The following RHOQ variants were observed in gnomAD, a reference collection of about 807,000 sequenced individuals.
RHOQ encodes the protein rho-related GTP-binding protein RhoQ.
Under a neutral mutation model 25.8 loss-of-function variants are expected in RHOQ, and 7 were observed. That is an observed-to-expected ratio of 0.27 (90% CI 0.15 to 0.51). The LOEUF (loss-of-function observed/expected upper bound fraction) is 0.51. Ranked by LOEUF, RHOQ falls within the 20% of genes least tolerant of loss-of-function variation. RHOQ has a pLI of 0.97. For synonymous variants in RHOQ, 97 were observed against 98.6 expected (o/e 0.98, Z 0.10); for missense variants, 165 against 260.6 (o/e 0.63, Z 2.53).
intron 2 of RHOQ, among the ~76,000 whole-genome samples, chr2:46,559,526 G>C (rs552477247): frequency 6.6e-6 from 1 of 152,276 alleles, no homozygotes; most frequent in African/African-American, 2.4e-5. Flanking sequence ...CTTCAGTACT[G>C]TTGACATTGA....
At chr2:46,561,160 GAT>G (rs1668566349) in intron 2 of RHOQ, among the ~76,000 whole-genome samples, 2 of 151,320 alleles carry the variant, frequency 1.3e-5, no homozygotes, top group East Asian at 1.9e-4. Flanking sequence ...ATACACCTTT[GAT>G]ATATATGTGT....
chr2:46,578,243 C>CT (rs1669204973), intron 4 of RHOQ, among the ~76,000 whole-genome samples: 2 of 152,124 alleles, frequency 1.3e-5, no homozygotes, highest in Admixed American at 6.5e-5. Context: ...AATGGACACT[C>CT]TGTTGTACTA....
At chr2:46,545,417 A>G (rs1396616700) in intron 2 of RHOQ, among the ~76,000 whole-genome samples, 2 of 152,198 alleles carry the variant, frequency 1.3e-5, no homozygotes, top group African/African-American at 4.8e-5. Context: ...TCCCTGTTCA[A>G]CAGGATGTGT....
At chr2:46,562,173 A>G (rs570984907) in intron 2 of RHOQ, among the ~76,000 whole-genome samples, 46 of 152,208 alleles carry the variant, frequency 3.0e-4, no homozygotes, top group African/African-American at 1.1e-3. Flanking sequence ...TGTAGGGTCT[A>G]TACCTCTAAG....
At chr2:46,573,118 C>T (rs954412972) in intron 2 of RHOQ, among the ~76,000 whole-genome samples, 7 of 150,116 alleles carry the variant, frequency 4.7e-5, no homozygotes, top group African/African-American at 1.7e-4. Flanking sequence ...GGCTGTAGTG[C>T]AGTGGTACAA....
chr2:46,564,479 C>T (rs748942773), intron 2 of RHOQ, among the ~76,000 whole-genome samples: 3 of 152,140 alleles, frequency 2.0e-5, no homozygotes, highest in Non-Finnish European at 2.9e-5. Context: ...GTGAGGGCAT[C>T]CTGATTTCGC....
chr2:46,561,053 A>G (rs1311512525), intron 2 of RHOQ, among the ~76,000 whole-genome samples: 2 of 151,782 alleles, frequency 1.3e-5, no homozygotes, highest in African/African-American at 2.4e-5. Flanking sequence ...AAACCTGTAT[A>G]TAGACATATA....
At chr2:46,545,062 T>C (rs1375331373) in intron 2 of RHOQ, among the ~76,000 whole-genome samples, 2 of 152,212 alleles carry the variant, frequency 1.3e-5, no homozygotes, top group Admixed American at 1.3e-4. Flanking sequence ...TAGAGGAACG[T>C]CTGAAGATAG....
At chr2:46,545,119 A>G (rs796152631) in intron 2 of RHOQ, among the ~76,000 whole-genome samples, 1 of 152,154 alleles carries the variant, frequency 6.6e-6, no homozygotes, top group South Asian at 2.1e-4. Context: ...CCTTTCACCA[A>G]AATGGCCCAG....
At chr2:46,550,047 C>G (rs1668192980) in intron 2 of RHOQ, among the ~76,000 whole-genome samples, 2 of 151,912 alleles carry the variant, frequency 1.3e-5, no homozygotes, top group African/African-American at 4.8e-5. Flanking sequence ...GACAACACAA[C>G]AAGACCCCCA....
chr2:46,549,632 C>G (rs1387344324), intron 2 of RHOQ, among the ~76,000 whole-genome samples: 1 of 152,212 alleles, frequency 6.6e-6, no homozygotes, highest in African/African-American at 2.4e-5. Flanking sequence ...TTCTCTCTGA[C>G]AGGCTTGGCT....
At position 46,555,515 on chromosome 2, in the gene RHOQ, G is replaced by A. The variant is rs576588445; in HGVS notation, c.201+11703G>A. Among the ~76,000 whole-genome samples, 112 of 152,330 alleles carry A rather than the reference G, an allele frequency of 7.4e-4. 1 individual carries two copies. The highest frequency in any genetic ancestry group is 2.3e-3 in the African/African-American group (95 of 41,572). ...TTGGCTTTCCTATCAGCTCATTTGA[G>A]AGGAAATTCTGACCTGTCTGGACAT... On this transcript the variant is annotated intron_variant, in intron 2 of 4. Coordinates refer to ENST00000238738, the MANE Select transcript of RHOQ (RefSeq NM_012249.4). This position sits in a 1 kb window ranked among gnomAD's most constrained non-coding sequence, Gnocchi z 4.3.
At position 46,554,124 on chromosome 2, in the gene RHOQ, T is replaced by G. The variant is rs527594335; in HGVS notation, c.201+10312T>G. 3.0e-3 allele frequency among the ~76,000 whole-genome samples: 427 copies of G among 144,108 alleles called. 2 individuals are homozygous for G. The highest frequency in any genetic ancestry group is 0.012 in the African/African-American group (395 of 34,250). 94.5% of individuals were successfully genotyped at this position (144,108 alleles called of 152,430 possible). ...CAGGATCTCATTGTGTGTGTGTGTT[T>G]TTTTTTTTTAATTTATAAATTTTTA... On this transcript the variant is annotated intron_variant, in intron 2 of 4. Transcript: ENST00000238738.
At chr2:46,578,107 C>A (rs974144117) in intron 4 of RHOQ, among the ~76,000 whole-genome samples, 16 of 152,074 alleles carry the variant, frequency 1.1e-4, no homozygotes, top group Non-Finnish European at 1.9e-4. Flanking sequence ...AATTCACCCC[C>A]CAAAATGCAG....
rs1365967445 is a variant in RHOQ, at chr2:46,581,412, T to A, written c.*329T>A. 1 of 1,567,048 alleles carries A rather than the reference T, an allele frequency of 6.4e-7. No individual in the cohort carries two copies. Among genetic ancestry groups the A allele is most frequent in the Non-Finnish European group, 8.7e-7 (1 of 1,155,388 alleles). ...AGCTGTAAATGGAACTGCTTGGCTTTGACCATACACATTTCTGCCCAGCCC... is the reference window on the plus strand; with the variant it reads ...AGCTGTAAATGGAACTGCTTGGCTTAGACCATACACATTTCTGCCCAGCCC... On this transcript the variant is annotated 3_prime_UTR_variant, in exon 5 of 5. Coordinates refer to ENST00000238738, the MANE Select transcript of RHOQ (RefSeq NM_012249.4).
chr2:46,565,570 C>G (rs538879184), intron 2 of RHOQ, among the ~76,000 whole-genome samples: 2 of 152,060 alleles, frequency 1.3e-5, no homozygotes, highest in Non-Finnish European at 2.9e-5. Context: ...GACATCTGGC[C>G]GAAAGTGACA....
intron 2 of RHOQ, among the ~76,000 whole-genome samples, chr2:46,570,551 T>C (rs943390381): frequency 3.3e-5 from 5 of 152,250 alleles, no homozygotes; most frequent in Admixed American, 6.5e-5. Flanking sequence ...AGTTGCATTC[T>C]CAGAAGCTGG....
Position 46,555,856 on chromosome 2 carries a change from T to C in RHOQ, c.201+12044T>C, listed in dbSNP as rs1049372150. Among the ~76,000 whole-genome samples the C allele has an allele frequency of 5.3e-5, 8 of 152,192 alleles. No homozygotes were observed. Among genetic ancestry groups the C allele is most frequent in the African/African-American group, 1.7e-4 (7 of 41,436 alleles). On this transcript the variant is annotated intron_variant, in intron 2 of 4. Coordinates refer to ENST00000238738, the MANE Select transcript of RHOQ (RefSeq NM_012249.4). The surrounding 1 kb of genome is among the most constrained non-coding windows in gnomAD (Gnocchi z 4.3). ...GACTGGGAGACCGGAATGCCTCCTGTTGTCTGAACAAGCTAGTATGGAAGT... is the reference window on the plus strand; with the variant it reads ...GACTGGGAGACCGGAATGCCTCCTGCTGTCTGAACAAGCTAGTATGGAAGT...
intron 2 of RHOQ, among the ~76,000 whole-genome samples, chr2:46,550,757 G>A (rs150341693): frequency 5.9e-5 from 9 of 152,314 alleles, no homozygotes; most frequent in Non-Finnish European, 1.0e-4. Flanking sequence ...GATGTATGTC[G>A]TTACCCTGTA....
Sources: allele counts gnomAD v4.1 joint callset (sites outside exome capture counted in the v4.1 genomes callset), GRCh38; gene constraint gnomAD v4.1.1; non-coding constraint Gnocchi (gnomAD v3.1); transcripts MANE v1.5; gene names NCBI Gene and HGNC (gene_info 2026-07-23, HGNC 2026-07-21).